Variants in NKAIN2 observed in about 807,000 individuals in gnomAD.
NKAIN2 encodes the protein sodium/potassium transporting ATPase interacting 2.
NKAIN2 carries 14 observed loss-of-function variants against 32.6 expected under a neutral mutation model. The observed-to-expected ratio is 0.43, with a 90% confidence interval of 0.28 to 0.67. The LOEUF is 0.67. Ranked by LOEUF, NKAIN2 falls within the 30% of genes least tolerant of loss-of-function variation. The probability of loss-of-function intolerance (pLI) is 0.17; values close to 1 mark genes in which losing one functional copy is unlikely to be tolerated. For synonymous variants in NKAIN2, 80 were observed against 87.2 expected, an observed-to-expected ratio of 0.92 and a Z score of 0.46; for missense variants, 198 against 258.3, an observed-to-expected ratio of 0.77 and a Z score of 1.60.
chr6:123,815,502 A>T (rs1773655627), intron 1 of NKAIN2, among the ~76,000 whole-genome samples: 1 of 152,154 alleles, frequency 6.6e-6, no homozygotes, highest in Non-Finnish European at 1.5e-5. Flanking sequence ...TCTCTAGAGC[A>T]GTAGTTTTGA....
At chr6:124,142,415 G>A (rs1218604108) in intron 1 of NKAIN2, among the ~76,000 whole-genome samples, 3 of 152,080 alleles carry the variant, frequency 2.0e-5, no homozygotes, top group Admixed American at 6.5e-5. Context: ...GAAAACCAAA[G>A]CATTCAAGAA....
intron 1 of NKAIN2, among the ~76,000 whole-genome samples, chr6:123,901,889 G>A (rs1774607847): frequency 6.6e-6 from 1 of 151,986 alleles, no homozygotes. Flanking sequence ...TCTTTACCCT[G>A]AGACATGAAG....
intron 3 of NKAIN2, among the ~76,000 whole-genome samples, chr6:124,550,695 C>G (rs576564667): frequency 2.0e-4 from 31 of 152,198 alleles, no homozygotes; most frequent in African/African-American, 7.2e-4. Context: ...CTTTTAGGAA[C>G]ACAGTTATTG....
chr6:124,280,990 T>C (rs529045227), intron 1 of NKAIN2, among the ~76,000 whole-genome samples: 23 of 152,228 alleles, frequency 1.5e-4, no homozygotes, highest in Non-Finnish European at 2.6e-4. Flanking sequence ...CCAATAAATG[T>C]TGACATAATT....
At chr6:124,369,426 T>TTAATAGGGGCCTTAA (rs1342334219) in intron 3 of NKAIN2, among the ~76,000 whole-genome samples, 1 of 152,046 alleles carries the variant, frequency 6.6e-6, no homozygotes, top group African/African-American at 2.4e-5. Flanking sequence ...AAGTGGCCCC[T>TTAATAGGGGCCTTAA]TAGGTCAAGC....
At chr6:123,971,644 T>C (rs570146967) in intron 1 of NKAIN2, among the ~76,000 whole-genome samples, 58 of 152,222 alleles carry the variant, frequency 3.8e-4, no homozygotes, top group African/African-American at 1.4e-3. Flanking sequence ...CCCCATCATG[T>C]CTGTGTTACA....
intron 1 of NKAIN2, among the ~76,000 whole-genome samples, chr6:124,233,067 A>G (rs1197284223): frequency 1.3e-5 from 2 of 152,120 alleles, no homozygotes; most frequent in African/African-American, 4.8e-5. Flanking sequence ...TCTGGGCCTG[A>G]GAAATAATTA....
At chr6:124,484,601 A>C (rs1238912614) in intron 3 of NKAIN2, among the ~76,000 whole-genome samples, 1 of 152,160 alleles carries the variant, frequency 6.6e-6, no homozygotes. Flanking sequence ...TTTAAACTTG[A>C]ATTTTCTTGA....
chr6:124,347,616 G>C (rs1376187233), intron 2 of NKAIN2, among the ~76,000 whole-genome samples: 1 of 151,988 alleles, frequency 6.6e-6, no homozygotes, highest in African/African-American at 2.4e-5. Flanking sequence ...CTTTCTTCCA[G>C]TTGATCGCAT....
At chr6:124,740,639 T>C (rs1777162498) in intron 4 of NKAIN2, among the ~76,000 whole-genome samples, 1 of 151,780 alleles carries the variant, frequency 6.6e-6, no homozygotes, top group Admixed American at 6.6e-5. Context: ...TTAATATCTA[T>C]GGGAGGAACG....
At chr6:124,505,947 G>C (rs1240365497) in intron 3 of NKAIN2, among the ~76,000 whole-genome samples, 2 of 152,148 alleles carry the variant, frequency 1.3e-5, no homozygotes, top group African/African-American at 4.8e-5. Context: ...GCCGAGGCAG[G>C]CAGATCACGA....
intron 1 of NKAIN2, among the ~76,000 whole-genome samples, chr6:123,826,862 A>G (rs1438033965): frequency 1.3e-5 from 2 of 152,150 alleles, no homozygotes; most frequent in African/African-American, 4.8e-5. Flanking sequence ...GTATATCCAG[A>G]AGTGGAATTG....
At chr6:124,734,061 GCACA>G (rs61526747) in intron 4 of NKAIN2, among the ~76,000 whole-genome samples, 51,326 of 145,150 alleles carry the variant, frequency 0.35, 8,872 homozygotes, top group African/African-American at 0.38. Context: ...ATGAGGAAAT[GCACA>G]CACACACACA....
chr6:124,375,480 G>A (rs953942396), intron 3 of NKAIN2, among the ~76,000 whole-genome samples: 1 of 148,680 alleles, frequency 6.7e-6, no homozygotes, highest in African/African-American at 2.5e-5. Flanking sequence ...AATTGATAAT[G>A]CGTCAAAGGA....
intron 1 of NKAIN2, among the ~76,000 whole-genome samples, chr6:124,202,508 T>C (rs960290256): frequency 2.0e-5 from 3 of 151,914 alleles, no homozygotes; most frequent in Admixed American, 2.0e-4. Context: ...CTTGAGGGAA[T>C]TGCATTTCAG....
intron 3 of NKAIN2, among the ~76,000 whole-genome samples, chr6:124,561,530 C>T (rs1173344495): frequency 2.6e-5 from 4 of 152,130 alleles, no homozygotes; most frequent in African/African-American, 7.2e-5. Flanking sequence ...CTCCCCAACC[C>T]ACCACCTCAA....
intron 4 of NKAIN2, among the ~76,000 whole-genome samples, chr6:124,674,868 T>C (rs1275812540): frequency 6.6e-6 from 1 of 152,024 alleles, no homozygotes; most frequent in Non-Finnish European, 1.5e-5. Context: ...CTAATTTATC[T>C]TGGTGAGGAC....
intron 4 of NKAIN2, among the ~76,000 whole-genome samples, chr6:124,789,096 A>G (rs775260542): frequency 6.6e-6 from 1 of 152,176 alleles, no homozygotes; most frequent in South Asian, 2.1e-4. Flanking sequence ...GATAACTGGT[A>G]AGCAGAATGC....
chr6:123,853,388 A>G (rs571747135), intron 1 of NKAIN2, among the ~76,000 whole-genome samples: 2 of 152,224 alleles, frequency 1.3e-5, no homozygotes, highest in Non-Finnish European at 2.9e-5. Flanking sequence ...GCCCAAGTAG[A>G]CAGTGAAAAC....
Sources: allele counts gnomAD v4.1 joint callset (sites outside exome capture counted in the v4.1 genomes callset), GRCh38; gene constraint gnomAD v4.1.1; transcripts MANE v1.5; gene names NCBI Gene and HGNC (gene_info 2026-07-23, HGNC 2026-07-21).